The following USP34 variants were observed in gnomAD, a reference collection of about 807,000 sequenced individuals.
USP34 encodes ubiquitin carboxyl-terminal hydrolase 34.
Under a neutral mutation model 460.3 loss-of-function variants are expected in USP34, and 70 were observed. The observed-to-expected ratio is 0.15, with a 90% CI of 0.13 to 0.19. USP34 has a LOEUF of 0.19. Ranked by LOEUF, USP34 falls within the 10% of genes least tolerant of loss-of-function variation. USP34 has a pLI of 1.00. For missense variants in USP34, 3,985 were observed against 4,236.2 expected (o/e 0.94, Z 1.65); for synonymous variants, 1,647 against 1,405.3 (o/e 1.17, Z -3.85).
intron 5 of USP34, among the ~76,000 whole-genome samples, chr2:61,387,082 C>T (rs766945286): frequency 6.6e-6 from 1 of 151,984 alleles, no homozygotes; most frequent in African/African-American, 2.4e-5. Flanking sequence ...TGCAAATGGG[C>T]GAGAGATTTA....
At chr2:61,306,346 T>G (rs1690403623) in intron 27 of USP34, among the ~76,000 whole-genome samples, 1 of 152,226 alleles carries the variant, frequency 6.6e-6, no homozygotes, top group African/African-American at 2.4e-5. Context: ...CCATTGCTTA[T>G]TTTTGTCAGG....
chr2:61,227,159 G>A lies in USP34; in HGVS notation c.7503C>T (p.Ile2501=). The change falls in exon 62 of 80, where the codon ATC becomes ATT. Residue 2501 remains isoleucine, a synonymous_variant. Coordinates refer to ENST00000398571, the MANE Select transcript of USP34 (RefSeq NM_014709.4). ...EGEEEEEEED[I]LSLAEEKYRP... is the part of the protein sequence containing the mutation. ...TGTATTTTTCTTCTGCCAGAGAGAGGATATCTTCTTCCTCCTCTTCTTCTT... is the reference window on the plus strand; with the variant it reads ...TGTATTTTTCTTCTGCCAGAGAGAGAATATCTTCTTCCTCCTCTTCTTCTT... 3 of 1,613,920 alleles carry A rather than the reference G, an allele frequency of 1.9e-6. No homozygotes were observed. The highest frequency in any genetic ancestry group is 2.5e-6 in the Non-Finnish European group (3 of 1,179,934).
In USP34 at chr2:61,287,673, T is replaced by C. The variant is rs530238540; in HGVS notation, c.4749+1004A>G. Among the ~76,000 whole-genome samples, 27 of 152,332 alleles carry C rather than the reference T, an allele frequency of 1.8e-4. No individual in the cohort carries two copies. The South Asian group carries it at 5.0e-3, about 28-fold the overall frequency. On this transcript the variant is annotated intron_variant, in intron 34 of 79. Coordinates refer to ENST00000398571, the MANE Select transcript of USP34 (RefSeq NM_014709.4). ...TTCTCTTATGATTTTCTTAACACTT[T>C]CTTTTCTCTAGCTTACTTTAAGAAT...
chr2:61,327,403 G>T (rs919086188), intron 20 of USP34, among the ~76,000 whole-genome samples: 2 of 152,130 alleles, frequency 1.3e-5, no homozygotes, highest in Non-Finnish European at 2.9e-5. Context: ...TAAAATTCAA[G>T]AACAGCTAGC....
chr2:61,381,241 A>T (rs1332617381), intron 6 of USP34, among the ~76,000 whole-genome samples: 1 of 145,442 alleles, frequency 6.9e-6, no homozygotes, highest in Non-Finnish European at 1.5e-5. Flanking sequence ...AATAAACAAA[A>T]AATGTAAAAC....
At position 61,314,712 on chromosome 2, in the gene USP34, T is replaced by C; in HGVS notation, c.3415A>G (p.Ile1139Val). Residue 1139 changes from isoleucine to valine, a missense_variant, in exon 25 of 80, where the codon ATT (isoleucine) becomes GTT (valine). Ile to Val is a conservative substitution (Grantham distance 29, BLOSUM62 3). Transcript: ENST00000398571. The stretch of plus-strand genomic sequence containing the variant: ...ATAAGACTCTCCATGCACTTACTAA[T>C]AAATTCTTGCTCCTTCTCCAAACCT... ...KTGLEKEQEF[I>V]SKCMESLMIA... is the part of the protein sequence containing the mutation. 2 of 1,589,012 alleles carry C rather than the reference T, an allele frequency of 1.3e-6. No homozygotes were observed. The highest frequency in any genetic ancestry group is 1.7e-6 in the Non-Finnish European group (2 of 1,171,674).
At chr2:61,256,550 T>C (rs1405582883) in intron 47 of USP34, 72 bp from the exon 48 acceptor site, 4 of 1,234,606 alleles carry the variant, frequency 3.2e-6, no homozygotes, top group Non-Finnish European at 4.4e-6. Flanking sequence ...AGGTGGCAAT[T>C]ACAATTTTGA....
At chr2:61,315,441 T>G (rs902329845) in intron 23 of USP34, among the ~76,000 whole-genome samples, 12 of 152,036 alleles carry the variant, frequency 7.9e-5, no homozygotes, top group African/African-American at 2.9e-4. Flanking sequence ...GGCGCAATCT[T>G]GGCTCACTGC....
At chr2:61,238,964 CATTATTATAT>C (rs943271303) in intron 53 of USP34, among the ~76,000 whole-genome samples, 1 of 151,116 alleles carries the variant, frequency 6.6e-6, no homozygotes, top group Non-Finnish European at 1.5e-5. Context: ...ACATTTTCAT[CATTATTATAT>C]ATTATTATAT....
At chr2:61,330,745 T>C (rs1691234753) in intron 20 of USP34, among the ~76,000 whole-genome samples, 1 of 152,038 alleles carries the variant, frequency 6.6e-6, no homozygotes, top group Non-Finnish European at 1.5e-5. Flanking sequence ...AATCCATTTC[T>C]ACCAATTCTT....
intron 16 of USP34, 88 bp downstream of exon 16, chr2:61,343,727 C>T: frequency 1.4e-6 from 2 of 1,379,652 alleles, no homozygotes; most frequent in East Asian, 4.7e-5. Flanking sequence ...AGTACCATAA[C>T]CTTAACTATT....
chr2:61,234,566 G>C (rs971220398), intron 57 of USP34, among the ~76,000 whole-genome samples: 1 of 152,126 alleles, frequency 6.6e-6, no homozygotes, highest in Non-Finnish European at 1.5e-5. Flanking sequence ...ACATACAAAA[G>C]TAGTTAAGAG....
intron 64 of USP34, 33 bp from the exon 65 acceptor site, chr2:61,222,696 C>CTTGTT (rs766439544): frequency 1.2e-6 from 2 of 1,600,358 alleles, no homozygotes; most frequent in African/African-American, 1.3e-5. Context: ...TCAGGATATT[C>CTTGTT]TTGTTTTGTT....
chr2:61,371,996 C>A (rs1318507618), intron 8 of USP34, among the ~76,000 whole-genome samples: 1 of 152,116 alleles, frequency 6.6e-6, no homozygotes, highest in Non-Finnish European at 1.5e-5. Flanking sequence ...GAAGTCACCT[C>A]ATGATGCATT....
chr2:61,267,909 C>G (rs570906557), intron 41 of USP34, among the ~76,000 whole-genome samples: 3 of 151,560 alleles, frequency 2.0e-5, no homozygotes, highest in Non-Finnish European at 2.9e-5. Context: ...CGTGAGCCAC[C>G]GCACCCAGTT....
intron 62 of USP34, among the ~76,000 whole-genome samples, chr2:61,226,290 C>T (rs1687723766): frequency 6.6e-6 from 1 of 152,214 alleles, no homozygotes; most frequent in South Asian, 2.1e-4. Flanking sequence ...TGTCAGGCAA[C>T]TCAAGTTTTT....
intron 20 of USP34, among the ~76,000 whole-genome samples, chr2:61,328,315 A>G (rs1691159749): frequency 6.6e-6 from 1 of 151,154 alleles, no homozygotes; most frequent in African/African-American, 2.4e-5. Context: ...AAAAAAAAAT[A>G]AAGTGAAAAA....
rs544047382 is a variant in USP34 at position 61,405,524 on chromosome 2, A to C, written c.552+184T>G. The stretch of plus-strand genomic sequence containing the variant: ...GTATAGATCTTTCCTTGATAGGATG[A>C]ACTATGCCGAGCAAATTTTCAGCAC... On this transcript the variant is annotated intron_variant, in intron 3 of 79. Coordinates refer to ENST00000398571, the MANE Select transcript of USP34 (RefSeq NM_014709.4). Among the ~76,000 whole-genome samples the C allele has an allele frequency of 6.6e-5, 10 of 152,334 alleles. No individual in the cohort carries two copies. The South Asian group carries it at 1.7e-3, about 25-fold the overall frequency.
At chr2:61,438,256 G>C (rs1364237234) in intron 1 of USP34, among the ~76,000 whole-genome samples, 1 of 152,078 alleles carries the variant, frequency 6.6e-6, no homozygotes, top group Admixed American at 6.6e-5. Flanking sequence ...AAAAACCATA[G>C]GATCATCTCA....
Sources: gnomAD v4.1 joint callset for allele counts (sites outside exome capture counted in the v4.1 genomes callset) on GRCh38, gnomAD v4.1.1 for gene constraint, MANE v1.5 for transcripts, NCBI Gene and HGNC (gene_info 2026-07-23, HGNC 2026-07-21) for gene names.